MYH13: variants seen among roughly 807,000 people sequenced by gnomAD.
The protein encoded by MYH13 is myosin-13.
Under a neutral mutation model 232.1 loss-of-function variants are expected in MYH13, and 177 were observed. The observed-to-expected ratio is 0.76, with a 90% CI of 0.67 to 0.86. The LOEUF (loss-of-function observed/expected upper bound fraction) is 0.86, where lower values mean the gene tolerates loss of function less well. Ranked by LOEUF, MYH13 falls within the 40% of genes least tolerant of loss-of-function variation. MYH13 has a pLI of 0.00. For missense variants in MYH13, 2,246 were observed against 2,405.9 expected (o/e 0.93, Z 1.39); for synonymous variants, 884 against 923.5 (o/e 0.96, Z 0.78).
intron 1 of MYH13, 32 bp from the exon 2 acceptor site, chr17:10,371,291 A>C (rs928445548): frequency 6.6e-6 from 1 of 152,144 alleles, no homozygotes; most frequent in Non-Finnish European, 1.5e-5. Context: ...AAAACAAACC[A>C]AAAAAACCCA....
chr17:10,315,715 C>G lies in MYH13; in HGVS notation c.3962G>C (p.Arg1321Thr). 6.2e-7 allele frequency: 1 copy of G among 1,614,010 alleles called. No individual in the cohort carries two copies. Among genetic ancestry groups the G allele is most frequent in the Non-Finnish European group, 8.5e-7 (1 of 1,179,892 alleles). Residue 1321 changes from arginine to threonine, a missense_variant, in exon 29 of 41, where the codon AGG (arginine) becomes ACG (threonine). Arg to Thr is a moderately conservative substitution (Grantham distance 71). Transcript: ENST00000252172. ...ALTQQLEELK[R>T]QMEEETKAKN... ...TACCTTGGTTTCTTCTTCCATTTGC[C>G]TCTTAAGCTCCTCCAGCTGCTGGGT... is the stretch of plus-strand genomic sequence containing the variant.
At chr17:10,348,500 C>A (rs1334753519) in intron 12 of MYH13, among the ~76,000 whole-genome samples, 1 of 152,214 alleles carries the variant, frequency 6.6e-6, no homozygotes, top group Non-Finnish European at 1.5e-5. Flanking sequence ...GAGCACCCAG[C>A]AAATATTAGC....
chr17:10,344,134 C>T, intron 15 of MYH13, 25 bp from the exon 16 acceptor site: 1 of 1,611,602 alleles, frequency 6.2e-7, no homozygotes, highest in Non-Finnish European at 8.5e-7. Flanking sequence ...ACAGAGTCTA[C>T]ATATAATAGT....
At chr17:10,357,653 T>A in intron 8 of MYH13, 82 bp downstream of exon 8, 1 of 1,293,714 alleles carries the variant, frequency 7.7e-7, no homozygotes, top group Admixed American at 1.8e-5. Flanking sequence ...ATATTCCAGT[T>A]TATGGGGCAG....
Position 10,366,922 on chromosome 17 carries a change from C to T in MYH13, c.-12-2380G>A, listed in dbSNP as rs1008908706. Among the ~76,000 whole-genome samples the T allele has an allele frequency of 7.2e-5, 11 of 152,286 alleles. No individual in the cohort carries two copies. In the South Asian group the frequency reaches 2.3e-3, roughly 32 times the overall value. ...AGTTGCATTTTAGTTATACTTTGTTCAGTGGCTCTGCTGAACCATCTGTGG... is the reference window on the plus strand; with the variant it reads ...AGTTGCATTTTAGTTATACTTTGTTTAGTGGCTCTGCTGAACCATCTGTGG... On this transcript the variant is annotated intron_variant, in intron 2 of 40. Coordinates refer to ENST00000252172, the MANE Select transcript of MYH13 (RefSeq NM_003802.3).
At chr17:10,324,298 G>A (rs1907116820) in intron 22 of MYH13, 34 bp from the exon 23 acceptor site, 1 of 1,609,018 alleles carries the variant, frequency 6.2e-7, no homozygotes, top group South Asian at 1.1e-5. Flanking sequence ...GTTTTGATTG[G>A]CCTCTTTGAA....
In MYH13 at chr17:10,357,604, A is replaced by C. The variant is rs762622060; in HGVS notation, c.738+131T>G. On this transcript the variant is annotated intron_variant, in intron 8 of 40. Transcript: ENST00000252172. Reference sequence around the variant, plus strand: ...GTATCACAATATTCCAGGTGGGTAGATTGATCTCAATCACTTGGGGGTAGA... The same window carrying C: ...GTATCACAATATTCCAGGTGGGTAGCTTGATCTCAATCACTTGGGGGTAGA... The C allele has an allele frequency of 2.0e-4, 146 of 733,772 alleles. 1 individual carries two copies. Among genetic ancestry groups the C allele is most frequent in the Non-Finnish European group, 3.1e-4 (137 of 441,830 alleles). 45.5% of individuals were successfully genotyped at this position (733,772 alleles called of 1,614,324 possible).
intron 26 of MYH13, 41 bp from the exon 27 acceptor site, chr17:10,319,220 G>C: frequency 3.2e-6 from 5 of 1,577,872 alleles, no homozygotes; most frequent in Non-Finnish European, 4.3e-6. Flanking sequence ...TGTGGAGGAG[G>C]GGGCAGCCCC....
Position 10,345,570 on chromosome 17 carries a change from A to G in MYH13, c.1310T>C (p.Met437Thr). ...GATGCGGGTGACCATCCACAGGAAC[A>G]TCTTCTCGTAGACGGCTTTGGCCAG... ...GALAKAVYEK[M>T]FLWMVTRINQ... The change falls in exon 14 of 41, where the codon ATG becomes ACG. Residue 437 changes from methionine (M) to threonine (T), a missense_variant. Met to Thr is a moderately conservative substitution (Grantham distance 81). Transcript: ENST00000252172. The G allele has an allele frequency of 6.2e-7, 1 of 1,614,188 alleles. No homozygotes were observed. The highest frequency in any genetic ancestry group is 8.5e-7 in the Non-Finnish European group (1 of 1,180,042).
rs549023773 is a variant in MYH13 at position 10,324,554 on chromosome 17, C to T, written c.2692-290G>A. Among the ~76,000 whole-genome samples, 20 of 152,152 alleles carry T rather than the reference C, an allele frequency of 1.3e-4. 1 individual carries two copies. The South Asian group carries it at 4.1e-3, about 32-fold the overall frequency. Reference sequence around the variant, plus strand: ...TCTGCCTCCCAGGTTCTAGCGATTCCCTGCCTCAGCCTCCCGAGTTGCTGG... The same window carrying T: ...TCTGCCTCCCAGGTTCTAGCGATTCTCTGCCTCAGCCTCCCGAGTTGCTGG... On this transcript the variant is annotated intron_variant, in intron 22 of 40. Coordinates refer to ENST00000252172, the MANE Select transcript of MYH13 (RefSeq NM_003802.3).
At chr17:10,311,764 G>T in intron 32 of MYH13, 147 bp downstream of exon 32, 1 of 940,216 alleles carries the variant, frequency 1.1e-6, no homozygotes, top group Non-Finnish European at 1.6e-6. Flanking sequence ...GGGCCTTGGG[G>T]CAAACTGAGT....
chr17:10,327,994 T>C lies in MYH13; in HGVS notation c.2563A>G (p.Thr855Ala). 2.5e-6 allele frequency: 4 copies of C among 1,614,162 alleles called. No individual in the cohort carries two copies. Among genetic ancestry groups the C allele is most frequent in the East Asian group, 4.5e-5 (2 of 44,882 alleles). Residue 855 changes from threonine to alanine, a missense_variant, in exon 22 of 41, where the codon ACC becomes GCC. Thr to Ala is a moderately conservative substitution (Grantham distance 58). Coordinates refer to ENST00000252172, the MANE Select transcript of MYH13 (RefSeq NM_003802.3). ...KSAEAEKEMA[T>A]MKEDFERTKE... The stretch of plus-strand genomic sequence containing the variant: ...GTCCTCTCAAAGTCTTCCTTCATGG[T>C]GGCCATCTCCTTCTCGGCCTCTGCA...
chr17:10,309,708 G>C lies in MYH13; in HGVS notation c.4779C>G (p.Asn1593Lys). The C allele has an allele frequency of 6.2e-7, 1 of 1,606,264 alleles. No homozygotes were observed. Among genetic ancestry groups the C allele is most frequent in the Non-Finnish European group, 8.5e-7 (1 of 1,176,268 alleles). The part of the protein sequence containing the change: ...KDEEIEQLKR[N>K]SQRAAEALQS... ...GCAGGGCCTCTGCTGCCCGCTGGCTGTTTCTTTTTAGCTGCTCGATTTCTT... is the reference window on the plus strand; with the variant it reads ...GCAGGGCCTCTGCTGCCCGCTGGCTCTTTCTTTTTAGCTGCTCGATTTCTT... Residue 1593 changes from asparagine (N) to lysine (K), a missense_variant, in exon 34 of 41, where the codon AAC becomes AAG. Transcript: ENST00000252172.
At chr17:10,359,918 A>C (rs1157977864) in intron 7 of MYH13, 42 bp downstream of exon 7, 3 of 1,544,536 alleles carry the variant, frequency 1.9e-6, no homozygotes, top group Non-Finnish European at 8.9e-7. Context: ...TTTAAAGTAT[A>C]CTTATTCCAG....
intron 11 of MYH13, 137 bp from the exon 12 acceptor site, chr17:10,350,831 A>G (rs1045470141): frequency 3.6e-6 from 4 of 1,123,346 alleles, no homozygotes; most frequent in Non-Finnish European, 5.3e-6. Flanking sequence ...ACAGGTGGGG[A>G]TGTGGTAAAT....
At chr17:10,360,905 A>G (rs6503309) in intron 5 of MYH13, among the ~76,000 whole-genome samples, 31,104 of 152,036 alleles carry the variant, frequency 0.2, 3,518 homozygotes, top group East Asian at 0.47. Flanking sequence ...TGCTTCTACA[A>G]ATAAAAAACA....
At chr17:10,333,291 G>T in intron 18 of MYH13, 100 bp from the exon 19 acceptor site, 3 of 840,972 alleles carry the variant, frequency 3.6e-6, no homozygotes, top group Non-Finnish European at 5.7e-6. Context: ...CACTTGAGTG[G>T]GAGAGTCAGT....
At chr17:10,327,756 G>A (rs772281566) in intron 22 of MYH13, 110 bp downstream of exon 22, 8 of 1,371,594 alleles carry the variant, frequency 5.8e-6, no homozygotes, top group East Asian at 2.3e-5. Context: ...CATGACCACT[G>A]GGTGGCACCA....
At chr17:10,365,685 T>C (rs1279933425) in intron 2 of MYH13, among the ~76,000 whole-genome samples, 1 of 152,188 alleles carries the variant, frequency 6.6e-6, no homozygotes, top group Non-Finnish European at 1.5e-5. Context: ...CACCTGCTTT[T>C]TAACAAGATC....
Sources: gnomAD v4.1 joint callset for allele counts (sites outside exome capture counted in the v4.1 genomes callset) on GRCh38, gnomAD v4.1.1 for gene constraint, MANE v1.5 for transcripts, NCBI Gene and HGNC (gene_info 2026-07-23, HGNC 2026-07-21) for gene names.